The following RPH3A variants were observed in gnomAD, a reference collection of about 807,000 sequenced individuals.
RPH3A encodes the protein rabphilin-3A.
RPH3A carries 48 observed loss-of-function variants against 102.2 expected under a neutral mutation model. That is an observed-to-expected ratio of 0.47 (90% CI 0.37 to 0.60). The LOEUF is 0.60. RPH3A is among the 20% of genes least tolerant of loss of function. The probability of loss-of-function intolerance (pLI) is 0.00; values close to 1 mark genes in which losing one functional copy is unlikely to be tolerated. For synonymous variants in RPH3A, 310 were observed against 324.3 expected (o/e 0.96, Z 0.47); for missense variants, 781 against 910.1 (o/e 0.86, Z 1.83).
In RPH3A at chr12:112,732,155, G is replaced by A. The variant is rs752789047; in HGVS notation, c.-139-59988G>A. 7.9e-5 allele frequency among the ~76,000 whole-genome samples: 12 copies of A among 152,296 alleles called. No homozygotes were observed. The South Asian group carries it at 2.5e-3, about 32-fold the overall frequency. ...GTTCTCTGACTGGTGTCCTTGGTTC[G>A]TGGTGGGTCCTGTGGAGGCTTCTCA... On this transcript the variant is annotated intron_variant, in intron 1 of 21. Transcript: ENST00000543106.
chr12:112,758,948 T>A (rs1205648786), intron 1 of RPH3A, among the ~76,000 whole-genome samples: 2 of 152,232 alleles, frequency 1.3e-5, no homozygotes, highest in East Asian at 3.9e-4. Flanking sequence ...CATGAATAAA[T>A]CCTCTTAATA....
rs575702589 is a variant in RPH3A at position 112,858,164 on chromosome 12, G to A, written c.231-7250G>A. 2.4e-3 allele frequency among the ~76,000 whole-genome samples: 362 copies of A among 148,502 alleles called. 5 individuals carry two copies. Among genetic ancestry groups the A allele is most frequent in the African/African-American group, 8.6e-3 (345 of 40,220 alleles). On this transcript the variant is annotated intron_variant, in intron 5 of 21. Coordinates refer to ENST00000389385, the MANE Select transcript of RPH3A (RefSeq NM_001143854.2). The stretch of plus-strand genomic sequence containing the variant: ...CACCTGGAGTCACAACTACTTGAAA[G>A]GCTGAGGTGGGAAGTTTGCTTGAGC...
intron 4 of RPH3A, among the ~76,000 whole-genome samples, chr12:112,840,576 C>G (rs1358500927): frequency 6.6e-6 from 1 of 152,074 alleles, no homozygotes; most frequent in Non-Finnish European, 1.5e-5. Context: ...GGCTGGCTCA[C>G]CAAGTGGATC....
chr12:112,718,485 G>C (rs766037288), intron 1 of RPH3A, among the ~76,000 whole-genome samples: 1 of 152,162 alleles, frequency 6.6e-6, no homozygotes, highest in African/African-American at 2.4e-5. Context: ...GCAAATCAGA[G>C]CTGTCAAAAT....
chr12:112,667,225 G>A (rs4766988), intron 1 of RPH3A, among the ~76,000 whole-genome samples: 39,105 of 152,058 alleles, frequency 0.26, 5,873 homozygotes, highest in Admixed American at 0.33. Flanking sequence ...GGATGTGCAG[G>A]CAACTCCCAG....
At chr12:112,822,946 A>G (rs942064203) in intron 2 of RPH3A, among the ~76,000 whole-genome samples, 3 of 152,330 alleles carry the variant, frequency 2.0e-5, no homozygotes, top group African/African-American at 7.2e-5. Context: ...CTGTAGGGGA[A>G]TTTCTGTCCA....
chr12:112,656,406 T>C (rs2040011565), intron 1 of RPH3A, among the ~76,000 whole-genome samples: 1 of 152,256 alleles, frequency 6.6e-6, no homozygotes, highest in Non-Finnish European at 1.5e-5. Flanking sequence ...AGTGTACTTA[T>C]AGATGTTGTA....
At chr12:112,866,876 C>G (rs771039267) in intron 7 of RPH3A, 36 bp downstream of exon 7, 1 of 1,545,008 alleles carries the variant, frequency 6.5e-7, no homozygotes, top group Non-Finnish European at 8.9e-7. Context: ...CCTAGATCAC[C>G]CTCCTTTCTT....
At position 112,742,562 on chromosome 12, in the gene RPH3A, G is replaced by T. The variant is rs576261836; in HGVS notation, c.-139-49581G>T. Among the ~76,000 whole-genome samples, 4 of 152,290 alleles carry T rather than the reference G, an allele frequency of 2.6e-5. 1 individual carries two copies. The South Asian group carries it at 8.3e-4, about 32-fold the overall frequency. Reference sequence around the variant, plus strand: ...ATTCTCAGACTGGGTTATTTGAGGAGAATTTAACTCAGGGCTGTTTTCGAA... The same window carrying T: ...ATTCTCAGACTGGGTTATTTGAGGATAATTTAACTCAGGGCTGTTTTCGAA... On this transcript the variant is annotated intron_variant, in intron 1 of 21. Coordinates refer to the RPH3A transcript ENST00000543106.
intron 14 of RPH3A, among the ~76,000 whole-genome samples, chr12:112,881,483 G>A (rs1444376082): frequency 6.6e-6 from 1 of 152,162 alleles, no homozygotes; most frequent in Non-Finnish European, 1.5e-5. Flanking sequence ...TCATGAAGCG[G>A]GTACTGTTCT....
chr12:112,577,959 TAACTC>T (rs2039371100), intron 1 of RPH3A, among the ~76,000 whole-genome samples: 1 of 152,182 alleles, frequency 6.6e-6, no homozygotes, highest in African/African-American at 2.4e-5. Context: ...CAAATGTAAT[TAACTC>T]AAGTAAAGTA....
chr12:112,741,020 T>G (rs975620305), intron 1 of RPH3A, among the ~76,000 whole-genome samples: 3 of 152,204 alleles, frequency 2.0e-5, no homozygotes, highest in Non-Finnish European at 4.4e-5. Flanking sequence ...GATGGGTCCA[T>G]GTGGTGGATG....
intron 5 of RPH3A, among the ~76,000 whole-genome samples, chr12:112,855,690 G>T (rs991797044): frequency 1.3e-5 from 2 of 152,206 alleles, no homozygotes; most frequent in African/African-American, 4.8e-5. Flanking sequence ...GTTCCTGAGA[G>T]ACCCTGGCAT....
intron 1 of RPH3A, among the ~76,000 whole-genome samples, chr12:112,610,814 C>T (rs1278682059): frequency 1.3e-5 from 2 of 151,878 alleles, no homozygotes. Context: ...TGTATCTTAT[C>T]TTTAGTAGAG....
At chr12:112,672,911 G>A (rs1429061603) in intron 1 of RPH3A, among the ~76,000 whole-genome samples, 2 of 152,144 alleles carry the variant, frequency 1.3e-5, no homozygotes, top group South Asian at 2.1e-4. Flanking sequence ...AGCCAGAAGT[G>A]TCAAGGCATC....
intron 1 of RPH3A, among the ~76,000 whole-genome samples, chr12:112,700,671 T>C (rs2040387613): frequency 6.6e-6 from 1 of 152,176 alleles, no homozygotes; most frequent in African/African-American, 2.4e-5. Flanking sequence ...GCATTTGACA[T>C]GATTGATCAC....
At chr12:112,774,411 C>T (rs2136074401) in intron 1 of RPH3A, among the ~76,000 whole-genome samples, 1 of 152,262 alleles carries the variant, frequency 6.6e-6, no homozygotes, top group Middle Eastern at 3.4e-3. Flanking sequence ...CTGCCAGTGT[C>T]CTGGATATAG....
At chr12:112,810,553 T>G (rs1299135856) in intron 2 of RPH3A, among the ~76,000 whole-genome samples, 1 of 152,238 alleles carries the variant, frequency 6.6e-6, no homozygotes, top group Non-Finnish European at 1.5e-5. Flanking sequence ...GGCAGGTTTC[T>G]TTTCTTCCAC....
intron 2 of RPH3A, among the ~76,000 whole-genome samples, chr12:112,800,980 GT>G (rs973806305): frequency 1.3e-5 from 2 of 151,076 alleles, no homozygotes; most frequent in Non-Finnish European, 3.0e-5. Context: ...TGGGTTTTTT[GT>G]TTTTTTTTCT....
Sources: allele counts gnomAD v4.1 joint callset (sites outside exome capture counted in the v4.1 genomes callset), GRCh38; gene constraint gnomAD v4.1.1; transcripts MANE v1.5; gene names NCBI Gene and HGNC (gene_info 2026-07-23, HGNC 2026-07-21).